The following ADARB2 variants were observed in gnomAD, a reference collection of about 807,000 sequenced individuals.
ADARB2 encodes the protein inactive double-stranded RNA-specific editase B2.
Under a neutral mutation model 62.2 loss-of-function variants are expected in ADARB2, and 25 were observed. That is an observed-to-expected ratio of 0.40 (90% CI 0.29 to 0.56). The LOEUF (loss-of-function observed/expected upper bound fraction) is 0.56, where lower values mean the gene tolerates loss of function less well. Among genes scored for constraint, ADARB2 ranks in the 20% least tolerant of loss-of-function variants. The probability of loss-of-function intolerance (pLI) is 0.43; values close to 1 mark genes in which losing one functional copy is unlikely to be tolerated. For synonymous variants in ADARB2, 572 were observed against 500.8 expected (o/e 1.14, Z -1.90); for missense variants, 1,071 against 1,077.4 (o/e 0.99, Z 0.08).
At chr10:1,184,776 T>C (rs1836728180) in intron 9 of ADARB2, 85 bp downstream of exon 9, 5 of 1,450,710 alleles carry the variant, frequency 3.4e-6, no homozygotes, top group East Asian at 2.4e-5. Flanking sequence ...GCAGACCAAG[T>C]GTTGGCCTCT....
At chr10:1,551,749 G>T (rs1832626077) in intron 1 of ADARB2, among the ~76,000 whole-genome samples, 1 of 152,232 alleles carries the variant, frequency 6.6e-6, no homozygotes, top group African/African-American at 2.4e-5. Flanking sequence ...TGGCCGATGG[G>T]CCCCAGGTCC....
At chr10:1,260,019 C>T (rs1044616480) in intron 4 of ADARB2, among the ~76,000 whole-genome samples, 2 of 152,080 alleles carry the variant, frequency 1.3e-5, no homozygotes, top group South Asian at 4.2e-4. Flanking sequence ...TAAATGTAAT[C>T]CAGCATATAA....
chr10:1,609,108 G>C (rs999235033), intron 1 of ADARB2, among the ~76,000 whole-genome samples: 1 of 152,216 alleles, frequency 6.6e-6, no homozygotes, highest in Non-Finnish European at 1.5e-5. Flanking sequence ...CGGCGTCGCT[G>C]GCCTTTGGTC....
intron 1 of ADARB2, among the ~76,000 whole-genome samples, chr10:1,634,174 C>G (rs1833886434): frequency 6.6e-6 from 1 of 152,218 alleles, no homozygotes; most frequent in South Asian, 2.1e-4. Context: ...CACACCCGCT[C>G]CAGAGTCAGA....
intron 3 of ADARB2, among the ~76,000 whole-genome samples, chr10:1,329,592 C>T (rs902875420): frequency 1.3e-5 from 2 of 152,164 alleles, no homozygotes; most frequent in Non-Finnish European, 2.9e-5. Context: ...CATCAGCTCC[C>T]CTGCACTTGG....
rs534001784 is a variant in ADARB2 at position 1,579,434 on chromosome 10, C to T, written c.100+157617G>A. ...AACAGCAAGTTAATCATCAGTTGGT[C>T]GGAATCAAGAGAATTGTTGACTATG... On this transcript the variant is annotated intron_variant, in intron 1 of 9. Transcript: ENST00000381312. Among the ~76,000 whole-genome samples, 215 of 152,188 alleles carry T rather than the reference C, an allele frequency of 1.4e-3. 2 individuals carry two copies. Among genetic ancestry groups the T allele is most frequent in the African/African-American group, 4.7e-3 (196 of 41,538 alleles).
intron 3 of ADARB2, among the ~76,000 whole-genome samples, chr10:1,353,243 T>C (rs1240746553): frequency 1.3e-5 from 2 of 152,166 alleles, no homozygotes; most frequent in South Asian, 2.1e-4. Context: ...TGAAGTTCTA[T>C]TCTTTCCCAT....
At position 1,218,826 on chromosome 10, in the gene ADARB2, C is replaced by T. The variant is rs560379276; in HGVS notation, c.1514-1707G>A. ...TTGGGAGGCAGAGGCGGGCGGATCACGAGGTCAGGAGATTGAGATCATCTT... is the reference window on the plus strand; with the variant it reads ...TTGGGAGGCAGAGGCGGGCGGATCATGAGGTCAGGAGATTGAGATCATCTT... On this transcript the variant is annotated intron_variant, in intron 6 of 9. Transcript: ENST00000381312. 7.9e-5 allele frequency among the ~76,000 whole-genome samples: 12 copies of T among 151,752 alleles called. No homozygotes were observed. In the East Asian group the frequency reaches 1.6e-3, roughly 20 times the overall value.
At chr10:1,493,171 A>C (rs1037014417) in intron 1 of ADARB2, among the ~76,000 whole-genome samples, 1 of 152,232 alleles carries the variant, frequency 6.6e-6, no homozygotes, top group Non-Finnish European at 1.5e-5. Context: ...CAGACTCAGA[A>C]ATCAAATCAG....
At chr10:1,280,392 T>TCTAG (rs1169096812) in intron 3 of ADARB2, among the ~76,000 whole-genome samples, 1 of 152,216 alleles carries the variant, frequency 6.6e-6, no homozygotes, top group Non-Finnish European at 1.5e-5. Context: ...ATAGGCTTTA[T>TCTAG]CTAGAAACAT....
chr10:1,201,956 T>C, intron 7 of ADARB2, among the ~76,000 whole-genome samples: 1 of 152,098 alleles, frequency 6.6e-6, no homozygotes, highest in East Asian at 1.9e-4. Context: ...ACAGTGTGTC[T>C]CCCTGGATCT....
chr10:1,464,556 G>C (rs796338770), intron 1 of ADARB2, among the ~76,000 whole-genome samples: 2 of 56,428 alleles, frequency 3.5e-5, no homozygotes, highest in South Asian at 9.5e-4. Context: ...CGCGCTGGGG[G>C]CAGTCACAGC....
intron 1 of ADARB2, among the ~76,000 whole-genome samples, chr10:1,380,627 A>G (rs1397401329): frequency 6.6e-6 from 1 of 152,138 alleles, no homozygotes; most frequent in African/African-American, 2.4e-5. Flanking sequence ...TCCCATTGAA[A>G]TTCATTCGGG....
intron 1 of ADARB2, among the ~76,000 whole-genome samples, chr10:1,606,563 C>T (rs1454925661): frequency 1.3e-5 from 2 of 152,136 alleles, no homozygotes; most frequent in African/African-American, 4.8e-5. Context: ...CCGAAGGAGA[C>T]CACGAGAGAG....
chr10:1,632,302 GCA>G (rs942128113), intron 1 of ADARB2, among the ~76,000 whole-genome samples: 5 of 151,780 alleles, frequency 3.3e-5, no homozygotes, highest in African/African-American at 9.7e-5. Context: ...ACACACATGC[GCA>G]CACACACAGG....
chr10:1,447,934 A>T (rs1830991800), intron 1 of ADARB2, among the ~76,000 whole-genome samples: 1 of 152,120 alleles, frequency 6.6e-6, no homozygotes, highest in South Asian at 2.1e-4. Context: ...GCTGCATAGT[A>T]TTGCATGGTA....
intron 3 of ADARB2, among the ~76,000 whole-genome samples, chr10:1,355,421 G>T (rs1197305447): frequency 6.6e-6 from 1 of 152,198 alleles, no homozygotes; most frequent in Non-Finnish European, 1.5e-5. Context: ...GTGGGACTCA[G>T]GTCTCCGGAA....
In ADARB2 at chr10:1,294,748, T is replaced by C. The variant is rs2651487; in HGVS notation, c.1078-23679A>G. Among the ~76,000 whole-genome samples, 667 of 152,210 alleles carry C rather than the reference T, an allele frequency of 4.4e-3. 5 individuals are homozygous for C. The highest frequency in any genetic ancestry group is 0.016 in the African/African-American group (645 of 41,540). On this transcript the variant is annotated intron_variant, in intron 3 of 9. Transcript: ENST00000381312. Reference sequence around the variant, plus strand: ...CAGTCAAGCCATCTCCTTCCCTGAGTTGAAAATTGCTTCTCCCCTGATGCC... The same window carrying C: ...CAGTCAAGCCATCTCCTTCCCTGAGCTGAAAATTGCTTCTCCCCTGATGCC...
intron 3 of ADARB2, among the ~76,000 whole-genome samples, chr10:1,325,462 C>T (rs1324677046): frequency 6.6e-6 from 1 of 152,158 alleles, no homozygotes; most frequent in Non-Finnish European, 1.5e-5. Context: ...CTGATGTTTT[C>T]CTAGGGAGGG....
Sources: allele counts gnomAD v4.1 joint callset (sites outside exome capture counted in the v4.1 genomes callset), GRCh38; gene constraint gnomAD v4.1.1; transcripts MANE v1.5; gene names NCBI Gene and HGNC (gene_info 2026-07-23, HGNC 2026-07-21).